Variants in P2RY8 observed in about 807,000 individuals in gnomAD.
P2RY8 encodes the protein P2Y receptor family member 8.
A neutral mutation model predicts 10.0 loss-of-function variants in P2RY8; 6 were observed. That is an observed-to-expected ratio of 0.60 (90% CI 0.33 to 1.19). The LOEUF is 1.19. P2RY8 is among the 50% of genes most tolerant of loss of function. The probability of loss-of-function intolerance (pLI) is 0.04; values close to 1 mark genes in which losing one functional copy is unlikely to be tolerated. For synonymous variants in P2RY8, 276 were observed against 252.5 expected (o/e 1.09, Z -0.88); for missense variants, 456 against 542.0 (o/e 0.84, Z 1.58).
intron 1 of P2RY8, among the ~76,000 whole-genome samples, chrX:1,509,515 T>TCATCCATCCATC (rs755951808): frequency 7.8e-5 from 10 of 127,896 alleles, no homozygotes; most frequent in Non-Finnish European, 1.3e-4. Context: ...ATCCATCCAT[T>TCATCCATCCATC]CATCCATCCA....
chrX:1,485,408 G>C (rs749717632), intron 1 of P2RY8, among the ~76,000 whole-genome samples: 1 of 151,812 alleles, frequency 6.6e-6, no homozygotes, highest in East Asian at 1.9e-4. Context: ...CAAAATGCTA[G>C]GATTACAGGC....
Position 1,466,475 on chromosome X carries a change from C to T in P2RY8, c.84G>A (p.Val28=), listed in dbSNP as rs1229836459. 6.2e-7 allele frequency: 1 copy of T among 1,611,848 alleles called. No individual in the cohort carries two copies. Among genetic ancestry groups the T allele is most frequent in the East Asian group, 2.2e-5 (1 of 44,862 alleles). ...TGACCGCCGCCACCAGCGAGTACAC[C>T]ACGGGCAGGGCCACCGCGATCGCCG... ...RNPAIAVALP[V]VYSLVAAVSI... The change falls in exon 2 of 2, where the codon GTG becomes GTA. Residue 28 remains valine (V), a synonymous_variant. Transcript: ENST00000381297.
intron 1 of P2RY8, among the ~76,000 whole-genome samples, chrX:1,476,291 G>T (rs1336922579): frequency 2.0e-5 from 3 of 152,026 alleles, no homozygotes; most frequent in Non-Finnish European, 2.9e-5. Context: ...AAATATAATG[G>T]GTCGGCTGGG....
At chrX:1,484,724 T>TAGAAAAA (rs2091970472) in intron 1 of P2RY8, among the ~76,000 whole-genome samples, 1 of 16,794 alleles carries the variant, frequency 6.0e-5, no homozygotes, top group Non-Finnish European at 1.1e-4. Context: ...CAAAACCCTG[T>TAGAAAAA]AAAAAAAAAA....
At position 1,464,430 on chromosome X, in the gene P2RY8, C is replaced by T; in HGVS notation, c.*1049G>A. ...CACACCTGCATCTGCTGCTTGGTCT[C>T]CAAACGGTCTCATGGGTCAGGCCAG... On this transcript the variant is annotated 3_prime_UTR_variant, in exon 2 of 2. Coordinates refer to ENST00000381297, the MANE Select transcript of P2RY8 (RefSeq NM_178129.5). 1 of 233,552 alleles carries T rather than the reference C, an allele frequency of 4.3e-6. No homozygotes were observed. The highest frequency in any genetic ancestry group is 8.5e-6 in the Non-Finnish European group (1 of 118,272). 14.5% of individuals were successfully genotyped at this position (233,552 alleles called of 1,614,324 possible).
In P2RY8 at chrX:1,465,941, G is replaced by T; in HGVS notation, c.618C>A (p.Phe206Leu). The change falls in exon 2 of 2, where the codon TTC becomes TTA. Residue 206 changes from phenylalanine (F) to leucine (L), a missense_variant. By Grantham distance (22) the Phe-to-Leu change is conservative (BLOSUM62 0). Transcript: ENST00000381297. Reference sequence around the variant, plus strand: ...CCGTGTAACAAGCCACGGTGATCACGAACGGGATGAGGAACAGCAGGATGA... The same window carrying T: ...CCGTGTAACAAGCCACGGTGATCACTAACGGGATGAGGAACAGCAGGATGA... ...TIFILLFLIP[F>L]VITVACYTAT... 2 of 1,612,496 alleles carry T rather than the reference G, an allele frequency of 1.2e-6. No individual in the cohort carries two copies. Among genetic ancestry groups the T allele is most frequent in the Non-Finnish European group, 1.7e-6 (2 of 1,179,798 alleles).
chrX:1,481,254 C>T (rs1258016758), intron 1 of P2RY8, among the ~76,000 whole-genome samples: 7 of 152,110 alleles, frequency 4.6e-5, no homozygotes, highest in South Asian at 2.1e-4. Context: ...CTGCAACCTC[C>T]GCCTCCCGGG....
At chrX:1,503,190 C>A (rs1446019835) in intron 1 of P2RY8, among the ~76,000 whole-genome samples, 1 of 152,134 alleles carries the variant, frequency 6.6e-6, no homozygotes, top group Non-Finnish European at 1.5e-5. Context: ...TGCCTGGAGC[C>A]CCCAGGAGCT....
At chrX:1,524,884 T>C (rs1229101084) in intron 1 of P2RY8, among the ~76,000 whole-genome samples, 1 of 101,292 alleles carries the variant, frequency 9.9e-6, no homozygotes, top group Non-Finnish European at 2.3e-5. Context: ...CATCCATCCA[T>C]CCATCTATCC....
At chrX:1,508,473 A>G (rs2092254802) in intron 1 of P2RY8, among the ~76,000 whole-genome samples, 3 of 152,116 alleles carry the variant, frequency 2.0e-5, no homozygotes, top group African/African-American at 7.2e-5. Context: ...GAGAAACTCC[A>G]CATATCGGTT....
At chrX:1,512,152 T>C (rs1388666314) in intron 1 of P2RY8, among the ~76,000 whole-genome samples, 1 of 152,090 alleles carries the variant, frequency 6.6e-6, no homozygotes, top group Non-Finnish European at 1.5e-5. Flanking sequence ...CTGGGGGTAC[T>C]TAAACAACAG....
intron 1 of P2RY8, among the ~76,000 whole-genome samples, chrX:1,520,647 C>T (rs2092384093): frequency 6.6e-6 from 1 of 151,830 alleles, no homozygotes; most frequent in African/African-American, 2.4e-5. Context: ...CTCTCTGATC[C>T]CAATATTCTC....
chrX:1,519,119 T>G (rs1360217689), intron 1 of P2RY8, among the ~76,000 whole-genome samples: 1 of 151,788 alleles, frequency 6.6e-6, no homozygotes, highest in Non-Finnish European at 1.5e-5. Context: ...TGATCCCCAA[T>G]CATCTCCTTG....
At chrX:1,470,970 G>A (rs2091777144) in intron 1 of P2RY8, among the ~76,000 whole-genome samples, 1 of 150,998 alleles carries the variant, frequency 6.6e-6, no homozygotes, top group African/African-American at 2.4e-5. Flanking sequence ...CCAAGTAGCT[G>A]GGGCTACAGG....
intron 1 of P2RY8, among the ~76,000 whole-genome samples, chrX:1,524,617 C>T (rs866261045): frequency 2.9e-4 from 31 of 107,364 alleles, no homozygotes; most frequent in East Asian, 2.0e-3. Context: ...ATCCATCCAT[C>T]CATCCATTCA....
At chrX:1,509,128 T>TATC (rs1462453141) in intron 1 of P2RY8, among the ~76,000 whole-genome samples, 1 of 151,726 alleles carries the variant, frequency 6.6e-6, no homozygotes, top group Non-Finnish European at 1.5e-5. Flanking sequence ...TCTATCTATC[T>TATC]ATCTATCTAT....
At chrX:1,504,621 G>A (rs1466907807) in intron 1 of P2RY8, among the ~76,000 whole-genome samples, 3 of 152,194 alleles carry the variant, frequency 2.0e-5, no homozygotes, top group Non-Finnish European at 4.4e-5. Flanking sequence ...GGAGTCTGAG[G>A]CAGGTGGATC....
intron 1 of P2RY8, among the ~76,000 whole-genome samples, chrX:1,521,035 T>TTTTC (rs1556685204): frequency 0.017 from 83 of 4,778 alleles, no homozygotes; most frequent in African/African-American, 0.037. Flanking sequence ...TTTTCTTTTC[T>TTTTC]TTTTTTTTTT....
intron 1 of P2RY8, among the ~76,000 whole-genome samples, chrX:1,505,987 C>CTTTTTT (rs542485545): frequency 1.1e-4 from 12 of 108,834 alleles, no homozygotes; most frequent in East Asian, 3.6e-4. Flanking sequence ...TTTCTTTCTT[C>CTTTTTT]TTTTTTTTTT....
Sources: gnomAD v4.1 joint callset for allele counts (sites outside exome capture counted in the v4.1 genomes callset) on GRCh38, gnomAD v4.1.1 for gene constraint, MANE v1.5 for transcripts, NCBI Gene and HGNC (gene_info 2026-07-23, HGNC 2026-07-21) for gene names.